TPM4: variants seen among roughly 807,000 people sequenced by gnomAD.
TPM4 encodes the protein tropomyosin 4.
A neutral mutation model predicts 35.8 loss-of-function variants in TPM4; 17 were observed. The observed-to-expected ratio is 0.47, with a 90% CI of 0.32 to 0.71. TPM4 has a LOEUF of 0.71. Among genes scored for constraint, TPM4 ranks in the 30% least tolerant of loss-of-function variants. TPM4 has a pLI of 0.03. For missense variants in TPM4, 240 were observed against 320.9 expected (o/e 0.75, Z 1.93); for synonymous variants, 120 against 122.9 (o/e 0.98, Z 0.15).
At chr19:16,095,702 G>A in intron 7 of TPM4, 1 of 569,420 alleles carries the variant, frequency 1.8e-6, no homozygotes, top group Non-Finnish European at 2.2e-6. Flanking sequence ...CTGGGCATGT[G>A]CTCTCAGATA....
intron 1 of TPM4, chr19:16,080,053 T>G (rs16981095): frequency 0.11 from 21,212 of 187,076 alleles, 1,316 homozygotes; most frequent in African/African-American, 0.16. Context: ...TCATTTGTTC[T>G]GATAGGAAAA....
chr19:16,090,766 G>C (rs1262771575), intron 5 of TPM4, among the ~76,000 whole-genome samples: 1 of 151,540 alleles, frequency 6.6e-6, no homozygotes, highest in Admixed American at 6.6e-5. Flanking sequence ...ATCTTGTTCA[G>C]AGTTGTGTCC....
chr19:16,075,102 G>A (rs1343524227), upstream of TPM4: 2 of 152,046 alleles, frequency 1.3e-5, no homozygotes, highest in Non-Finnish European at 2.9e-5. Flanking sequence ...AAAAAAGTCA[G>A]ATCCAGGCAT....
At position 16,101,343 on chromosome 19, in the gene TPM4, A is replaced by G; in HGVS notation, c.744A>G (p.Ile248Met). The change falls in exon 8 of 8, where the codon ATA becomes ATG. Residue 248 changes from isoleucine to methionine, a missense_variant. Physicochemically the swap from Ile to Met is conservative, Grantham distance 10. Coordinates refer to ENST00000643579, the MANE Select transcript of TPM4 (RefSeq NM_003290.3). Reference sequence around the variant, plus strand: ...AGACACTAAACGAACTTAACTGTATATAAGCAAAACAGAAGAGTCTTGTTC... The same window carrying G: ...AGACACTAAACGAACTTAACTGTATGTAAGCAAAACAGAAGAGTCTTGTTC... ...LDQTLNELNC[I>M] The G allele has an allele frequency of 6.3e-7, 1 of 1,594,910 alleles. No individual in the cohort carries two copies. Among genetic ancestry groups the G allele is most frequent in the Non-Finnish European group, 8.5e-7 (1 of 1,171,578 alleles).
At chr19:16,088,365 G>C in intron 4 of TPM4, 2 of 1,296,948 alleles carry the variant, frequency 1.5e-6, no homozygotes, top group East Asian at 7.0e-5. Context: ...GGGAAGCCCA[G>C]AAGTCCCATT....
chr19:16,099,074 G>GTGTGTGTGTGTGTGTGTT (rs767290201), intron 7 of TPM4, among the ~76,000 whole-genome samples: 5 of 85,972 alleles, frequency 5.8e-5, no homozygotes, highest in African/African-American at 1.7e-4. Flanking sequence ...TTGACTCTGT[G>GTGTGTGTGTGTGTGTGTT]TGTGTGTGTG....
At chr19:16,068,278 G>A (rs11672658) in intron 2 of TPM4, among the ~76,000 whole-genome samples, 18,240 of 151,762 alleles carry the variant, frequency 0.12, 1,510 homozygotes, top group East Asian at 0.44. Flanking sequence ...CCTGCGTTCA[G>A]GCGATTCTCC....
intron 5 of TPM4, among the ~76,000 whole-genome samples, chr19:16,091,540 C>T (rs916622400): frequency 2.0e-5 from 3 of 152,116 alleles, no homozygotes; most frequent in South Asian, 2.1e-4. Context: ...TTTAGGAAGC[C>T]GAGGCGGGAG....
Position 16,084,488 on chromosome 19 carries a change from C to T in TPM4, c.267-1935C>T, listed in dbSNP as rs554788964. 2.0e-5 allele frequency among the ~76,000 whole-genome samples: 3 copies of T among 152,358 alleles called. No individual in the cohort carries two copies. In the South Asian group the frequency reaches 6.2e-4, roughly 32 times the overall value. On this transcript the variant is annotated intron_variant, in intron 2 of 7. Transcript: ENST00000643579. The stretch of plus-strand genomic sequence containing the variant: ...GGGTTAGCTGCTGTTCACAGTCAGA[C>T]CAGCCTGGCTGGATGCTGACGTTGA...
At chr19:16,096,707 C>T (rs538953686) in intron 7 of TPM4, among the ~76,000 whole-genome samples, 2 of 152,220 alleles carry the variant, frequency 1.3e-5, no homozygotes, top group Admixed American at 1.3e-4. Flanking sequence ...AAGGAGTGAA[C>T]GGGCCTCCAT....
At chr19:16,091,114 A>G (rs3786572) in intron 5 of TPM4, among the ~76,000 whole-genome samples, 76,092 of 151,956 alleles carry the variant, frequency 0.5, 21,498 homozygotes, top group East Asian at 0.79. Context: ...GTGCAGAGGC[A>G]CGATCTCAGC....
intron 4 of TPM4, 42 bp downstream of exon 4, chr19:16,088,139 T>C (rs2090582212): frequency 6.3e-7 from 1 of 1,583,778 alleles, no homozygotes; most frequent in Non-Finnish European, 8.6e-7. Context: ...GCTCGATTCC[T>C]GGGGCGGAGT....
chr19:16,082,596 G>A lies in TPM4; in HGVS notation c.266+550G>A, dbSNP rs116123504. Among the ~76,000 whole-genome samples, 654 of 152,342 alleles carry A rather than the reference G, an allele frequency of 4.3e-3. 10 individuals are homozygous for A. Among genetic ancestry groups the A allele is most frequent in the African/African-American group, 0.014 (591 of 41,584 alleles). Reference sequence around the variant, plus strand: ...AGAAAGGCAAACAGAACGGGCAGATGTGAGACTGCAAGTATGACTGTCCAT... The same window carrying A: ...AGAAAGGCAAACAGAACGGGCAGATATGAGACTGCAAGTATGACTGTCCAT... On this transcript the variant is annotated intron_variant, in intron 2 of 7. Transcript: ENST00000643579.
In TPM4 at chr19:16,092,591, G is replaced by T. The variant is rs180746293; in HGVS notation, c.532-945G>T. ...ACTCCATCGCCCCAGGCTGGAGTGC[G>T]GTGGCGCCATCTGGCCTCACTACAG... On this transcript the variant is annotated intron_variant, in intron 5 of 7. Coordinates refer to ENST00000643579, the MANE Select transcript of TPM4 (RefSeq NM_003290.3). Among the ~76,000 whole-genome samples, 794 of 150,740 alleles carry T rather than the reference G, an allele frequency of 5.3e-3. 3 individuals carry two copies. The highest frequency in any genetic ancestry group is 8.6e-3 in the Non-Finnish European group (585 of 67,662).
intron 2 of TPM4, among the ~76,000 whole-genome samples, chr19:16,068,264 G>A (rs1201449762): frequency 6.6e-6 from 1 of 151,728 alleles, no homozygotes. Context: ...TGCAACCTCC[G>A]CCTCCTGCGT....
chr19:16,098,201 G>T (rs1018488228), intron 7 of TPM4, among the ~76,000 whole-genome samples: 1 of 152,188 alleles, frequency 6.6e-6, no homozygotes, highest in Non-Finnish European at 1.5e-5. Flanking sequence ...CCAACACTTT[G>T]GGAGGCCAAG....
In TPM4 at chr19:16,082,011, G is replaced by A. The variant is rs373624645; in HGVS notation, c.231G>A (p.Leu77=). The change falls in exon 2 of 8, where the codon CTG becomes CTA. Residue 77 remains leucine (L), a synonymous_variant. Transcript: ENST00000643579. ...QERLATALQK[L]EEAEKAADES... Reference sequence around the variant, plus strand: ...GACTGGCCACGGCCCTGCAGAAGCTGGAGGAGGCAGAAAAAGCTGCAGATG... The same window carrying A: ...GACTGGCCACGGCCCTGCAGAAGCTAGAGGAGGCAGAAAAAGCTGCAGATG... The A allele has an allele frequency of 2.8e-4, 447 of 1,610,370 alleles. 2 individuals are homozygous for A. Among genetic ancestry groups the A allele is most frequent in the Non-Finnish European group, 3.6e-4 (419 of 1,177,032 alleles).
chr19:16,083,045 CTT>C (rs375133345), intron 2 of TPM4, among the ~76,000 whole-genome samples: 377 of 137,532 alleles, frequency 2.7e-3, no homozygotes, highest in South Asian at 0.02. Context: ...GGAAAGGAAA[CTT>C]GGGATGCACA....
At position 16,084,985 on chromosome 19, in the gene TPM4, G is replaced by A. The variant is rs550026272; in HGVS notation, c.267-1438G>A. ...AATACACAAGGTCTTGGCAGGGTGC[G>A]GTGGCTCACACCTGTAATCCCAGCC... is the stretch of plus-strand genomic sequence containing the variant. On this transcript the variant is annotated intron_variant, in intron 2 of 7. Transcript: ENST00000643579. 3.3e-5 allele frequency among the ~76,000 whole-genome samples: 5 copies of A among 152,116 alleles called. No homozygotes were observed. In the East Asian group the frequency reaches 5.8e-4, roughly 18 times the overall value.
Sources: gnomAD v4.1 joint callset for allele counts (sites outside exome capture counted in the v4.1 genomes callset) on GRCh38, gnomAD v4.1.1 for gene constraint, MANE v1.5 for transcripts, NCBI Gene and HGNC (gene_info 2026-07-23, HGNC 2026-07-21) for gene names.